The following PVT1 variants were observed in gnomAD, a reference collection of about 807,000 sequenced individuals.
The protein encoded by PVT1 is Pvt1 oncogene, also known as CXCR4/PVT1 fusion.
chr8:128,084,112 C>A (rs1814225590), intron 5 of PVT1, among the ~76,000 whole-genome samples: 1 of 152,164 alleles, frequency 6.6e-6, no homozygotes, highest in African/African-American at 2.4e-5. Flanking sequence ...CCCCCCTTGG[C>A]AGCCAGGGGA....
intron 4 of PVT1, among the ~76,000 whole-genome samples, chr8:128,001,717 A>T (rs909864887): frequency 6.6e-6 from 1 of 152,156 alleles, no homozygotes. Context: ...AACAACAAAA[A>T]TTTATTTCTC....
At chr8:127,813,532 A>C (rs1425333206) in intron 2 of PVT1, among the ~76,000 whole-genome samples, 1 of 152,070 alleles carries the variant, frequency 6.6e-6, no homozygotes, top group Non-Finnish European at 1.5e-5. Context: ...GGATTCTCCT[A>C]CTGTCCCTGA....
At chr8:128,043,803 C>CACACACACACACACACACAT (rs1554606714) in intron 4 of PVT1, among the ~76,000 whole-genome samples, 2 of 142,496 alleles carry the variant, frequency 1.4e-5, no homozygotes, top group African/African-American at 2.6e-5. Flanking sequence ...CACACACACA[C>CACACACACACACACACACAT]ATACACAAGG....
chr8:127,840,799 A>C (rs2129714869), intron 2 of PVT1, among the ~76,000 whole-genome samples: 1 of 152,372 alleles, frequency 6.6e-6, no homozygotes, highest in East Asian at 1.9e-4. Flanking sequence ...GGGAATGAAA[A>C]GTTGGCCAGT....
chr8:127,921,163 G>A (rs1436451812), intron 3 of PVT1, among the ~76,000 whole-genome samples: 1 of 152,162 alleles, frequency 6.6e-6, no homozygotes, highest in African/African-American at 2.4e-5. Context: ...AAAGGCCTGT[G>A]AGAGGCTGCA....
At chr8:127,952,900 G>A (rs1227008611) in intron 3 of PVT1, among the ~76,000 whole-genome samples, 1 of 152,180 alleles carries the variant, frequency 6.6e-6, no homozygotes. Flanking sequence ...AAGTAGCTGG[G>A]ACTACAGGCG....
At chr8:127,938,151 TG>T (rs1816302472) in intron 3 of PVT1, among the ~76,000 whole-genome samples, 1 of 152,150 alleles carries the variant, frequency 6.6e-6, no homozygotes, top group Non-Finnish European at 1.5e-5. Flanking sequence ...AGGGCTGGGA[TG>T]GGGGTGGTAT....
chr8:128,086,442 G>A (rs932733986), intron 5 of PVT1, among the ~76,000 whole-genome samples: 5 of 152,282 alleles, frequency 3.3e-5, no homozygotes, highest in Non-Finnish European at 7.4e-5. Context: ...CAGGACAAGA[G>A]GGGTTAAGTC....
At chr8:128,084,920 C>G (rs1814237973) in intron 5 of PVT1, among the ~76,000 whole-genome samples, 1 of 152,196 alleles carries the variant, frequency 6.6e-6, no homozygotes, top group Admixed American at 6.5e-5. Context: ...TCTTGCTTTG[C>G]TCCCAGGCAC....
chr8:128,002,681 C>T (rs960470355), intron 4 of PVT1, among the ~76,000 whole-genome samples: 1 of 152,130 alleles, frequency 6.6e-6, no homozygotes, highest in African/African-American at 2.4e-5. Context: ...GTCCAAATTT[C>T]CCTTTTCTTA....
chr8:127,972,019 G>A (rs1343596736), intron 3 of PVT1, among the ~76,000 whole-genome samples: 1 of 152,236 alleles, frequency 6.6e-6, no homozygotes, highest in African/African-American at 2.4e-5. Flanking sequence ...TGCTGTCCTG[G>A]TCTCTTCACT....
At chr8:127,908,427 C>T (rs922236996) in intron 3 of PVT1, among the ~76,000 whole-genome samples, 8 of 151,642 alleles carry the variant, frequency 5.3e-5, no homozygotes, top group Admixed American at 3.3e-4. Context: ...CTGCAACCTC[C>T]GCCTCCTGGG....
intron 2 of PVT1, among the ~76,000 whole-genome samples, chr8:127,863,768 T>C (rs997604842): frequency 6.6e-6 from 1 of 152,184 alleles, no homozygotes; most frequent in Non-Finnish European, 1.5e-5. Flanking sequence ...AATGACTTGC[T>C]TGAGGCCCCT....
intron 2 of PVT1, among the ~76,000 whole-genome samples, chr8:127,848,710 A>T (rs1815066804): frequency 6.6e-6 from 1 of 152,128 alleles, no homozygotes; most frequent in African/African-American, 2.4e-5. Flanking sequence ...AACAAACAAA[A>T]AAGGCCAACA....
chr8:127,932,731 C>T (rs377555197), intron 3 of PVT1: 5 of 366,506 alleles, frequency 1.4e-5, no homozygotes, highest in African/African-American at 1.1e-4. Flanking sequence ...TTATAATACA[C>T]ATTTCTTATT....
intron 4 of PVT1, among the ~76,000 whole-genome samples, chr8:128,008,702 A>G (rs953860189): frequency 2.6e-5 from 4 of 152,242 alleles, no homozygotes; most frequent in Non-Finnish European, 5.9e-5. Flanking sequence ...GATAATAAAA[A>G]GAGAATACAC....
At chr8:127,990,199 C>A (rs891799064) in intron 4 of PVT1, among the ~76,000 whole-genome samples, 3 of 152,100 alleles carry the variant, frequency 2.0e-5, no homozygotes, top group African/African-American at 7.2e-5. Flanking sequence ...AGAGTTGATT[C>A]CCCCCTCCCC....
intron 3 of PVT1, among the ~76,000 whole-genome samples, chr8:127,987,939 AT>A (rs1816987838): frequency 6.6e-6 from 1 of 152,214 alleles, no homozygotes; most frequent in Non-Finnish European, 1.5e-5. Flanking sequence ...GTAAGGGGGA[AT>A]TCACTCTGTG....
intron 2 of PVT1, among the ~76,000 whole-genome samples, chr8:127,868,781 A>ATG (rs1815314326): frequency 1.7e-5 from 2 of 118,352 alleles, no homozygotes; most frequent in African/African-American, 3.7e-5. Flanking sequence ...ATATATATAT[A>ATG]TATATATATA....
Sources: allele counts gnomAD v4.1 joint callset (sites outside exome capture counted in the v4.1 genomes callset), GRCh38; gene constraint gnomAD v4.1.1; transcripts MANE v1.5; gene names NCBI Gene and HGNC (gene_info 2026-07-23, HGNC 2026-07-21).